Variants in C1QL3 observed in about 807,000 individuals in gnomAD.
C1QL3 encodes the protein complement C1q like 3, also known as complement C1q-like protein 3.
Under a neutral mutation model 16.6 loss-of-function variants are expected in C1QL3, and 4 were observed. That is an observed-to-expected ratio of 0.24 (90% CI 0.12 to 0.55). C1QL3 has a LOEUF of 0.55. Among genes scored for constraint, C1QL3 ranks in the 20% least tolerant of loss-of-function variants. The probability of loss-of-function intolerance (pLI) is 0.94; values close to 1 mark genes in which losing one functional copy is unlikely to be tolerated. For missense variants in C1QL3, 269 were observed against 365.6 expected (o/e 0.74, Z 2.16); for synonymous variants, 189 against 160.2 (o/e 1.18, Z -1.36).
In C1QL3 at chr10:16,514,594, C is replaced by G. The variant is rs1836918769; in HGVS notation, c.702G>C (p.Gly234=). 6.2e-7 allele frequency: 1 copy of G among 1,613,798 alleles called. No individual in the cohort carries two copies. The highest frequency in any genetic ancestry group is 1.3e-5 in the African/African-American group (1 of 74,932). Residue 234 remains glycine, a synonymous_variant, in exon 2 of 2, where the codon GGG becomes GGC. Coordinates refer to ENST00000298943, the MANE Select transcript of C1QL3 (RefSeq NM_001010908.2). ...TGTTGTTGTTTCCTCCATGGGCTTT[C>G]CCGCCATCTAATTTGATATAGACTT... ...GDEVYIKLDG[G]KAHGGNNNKY... is the part of the protein sequence containing the mutation.
chr10:16,519,078 T>C (rs1836995033), intron 1 of C1QL3, among the ~76,000 whole-genome samples: 2 of 149,772 alleles, frequency 1.3e-5, no homozygotes, highest in South Asian at 2.1e-4. Flanking sequence ...CCTTAAGCTA[T>C]TTGTAGGATA....
Position 16,520,876 on chromosome 10 carries a change from C to CT in C1QL3, c.189dup (p.Gly64ArgfsTer75). On this transcript the variant is annotated frameshift_variant, in exon 1 of 2. Transcript: ENST00000298943. LOFTEE classifies it high-confidence loss of function. This position sits in a 1 kb window ranked among gnomAD's most constrained non-coding sequence, Gnocchi z 8.3. The stretch of plus-strand genomic sequence containing the variant: ...GCCTTCCCGGGCCTGCCGGCCTCGC[C>CT]TTTGGGGCCCTGGATGAAGGTGGGC... 1.3e-6 allele frequency: 2 copies of CT among 1,501,908 alleles called. No individual in the cohort carries two copies. Among genetic ancestry groups the CT allele is most frequent in the Non-Finnish European group, 1.8e-6 (2 of 1,131,734 alleles). The allele number at this position is 1,501,908 out of a possible 1,614,324, so 93.0% of individuals were successfully genotyped here.
At position 16,520,867 on chromosome 10, in the gene C1QL3, C is replaced by G; in HGVS notation, c.199G>C (p.Gly67Arg). The G allele has an allele frequency of 2.0e-6, 3 of 1,464,284 alleles. No individual in the cohort carries two copies. Among genetic ancestry groups the G allele is most frequent in the Non-Finnish European group, 1.8e-6 (2 of 1,111,790 alleles). 90.7% of individuals were successfully genotyped at this position (1,464,284 alleles called of 1,614,324 possible). A position where few individuals can be genotyped will look rare whatever the true frequency, so the allele number is the denominator to read the frequency against. ...TFIQGPKGEA[G>R]RPGKAGPRGP... ...CGCGGACCCGCCTTCCCGGGCCTGCCGGCCTCGCCTTTGGGGCCCTGGATG... is the reference window on the plus strand; with the variant it reads ...CGCGGACCCGCCTTCCCGGGCCTGCGGGCCTCGCCTTTGGGGCCCTGGATG... The change falls in exon 1 of 2, where the codon GGC (glycine) becomes CGC (arginine). Residue 67 changes from glycine to arginine, a missense_variant. This residue lies in a region of C1QL3 where 246 missense variants were observed against 297.2 expected (regional missense o/e 0.83). Coordinates refer to ENST00000298943, the MANE Select transcript of C1QL3 (RefSeq NM_001010908.2). The surrounding 1 kb of genome is among the most constrained non-coding windows in gnomAD (Gnocchi z 8.3).
At chr10:16,518,976 T>A (rs1836993526) in intron 1 of C1QL3, among the ~76,000 whole-genome samples, 1 of 151,994 alleles carries the variant, frequency 6.6e-6, no homozygotes, top group South Asian at 2.1e-4. Context: ...TATCTTAATA[T>A]TATTTTCATG....
chr10:16,516,177 C>T (rs560598906), intron 1 of C1QL3, among the ~76,000 whole-genome samples: 16 of 152,104 alleles, frequency 1.1e-4, no homozygotes, highest in Non-Finnish European at 1.8e-4. Flanking sequence ...TAACGCTGTA[C>T]TAACAGGCAC....
At position 16,514,133 on chromosome 10, in the gene C1QL3, A is replaced by T; in HGVS notation, c.*395T>A. 2.5e-6 allele frequency: 1 copy of T among 397,358 alleles called. No individual in the cohort carries two copies. Among genetic ancestry groups the T allele is most frequent in the Non-Finnish European group, 4.4e-6 (1 of 225,368 alleles). The allele number at this position is 397,358 out of a possible 1,614,324, so 24.6% of individuals were successfully genotyped here. A position where few individuals can be genotyped will look rare whatever the true frequency, so the allele number is the denominator to read the frequency against. ...ATGAATGGACTCCAAGTATCATAAT[A>T]AGCAGGTAAACTCACAAGAACCAAA... On this transcript the variant is annotated 3_prime_UTR_variant, in exon 2 of 2. Transcript: ENST00000298943.
rs1837032403 is a variant in C1QL3, at chr10:16,520,976, C to T, written c.90G>A (p.Met30Ile). The T allele has an allele frequency of 6.3e-7, 1 of 1,591,378 alleles. No individual in the cohort carries two copies. Among genetic ancestry groups the T allele is most frequent in the Middle Eastern group, 1.8e-4 (1 of 5,676 alleles). ...AHYEMLGTCRMVCDPYGGTKA... is the reference protein window; with the variant it reads ...AHYEMLGTCRIVCDPYGGTKA... ...TGGTGCCCCCGTAGGGGTCGCAGAC[C>T]ATGCGGCAGGTGCCCAGCATCTCGT... Residue 30 changes from methionine (M) to isoleucine (I), a missense_variant, in exon 1 of 2, where the codon ATG becomes ATA. Physicochemically the swap from Met to Ile is conservative, Grantham distance 10. Transcript: ENST00000298943. The surrounding 1 kb of genome is among the most constrained non-coding windows in gnomAD (Gnocchi z 8.3).
Position 16,521,158 on chromosome 10 carries a change from G to A in C1QL3, c.-93C>T. On this transcript the variant is annotated 5_prime_UTR_variant, in exon 1 of 2. Coordinates refer to ENST00000298943, the MANE Select transcript of C1QL3 (RefSeq NM_001010908.2). ...CGATCCTCTTGTCTGCTTTTGGACA[G>A]AATTTTGAAGGTTGGGCGGGGACCT... 8.2e-7 allele frequency: 1 copy of A among 1,226,154 alleles called. No individual in the cohort carries two copies. Among genetic ancestry groups the A allele is most frequent in the Non-Finnish European group, 1.1e-6 (1 of 879,680 alleles). The allele number at this position is 1,226,154 out of a possible 1,614,324, so 76.0% of individuals were successfully genotyped here. A position where few individuals can be genotyped will look rare whatever the true frequency, so the allele number is the denominator to read the frequency against.
At chr10:16,519,553 A>G (rs974262911) in intron 1 of C1QL3, among the ~76,000 whole-genome samples, 4 of 152,056 alleles carry the variant, frequency 2.6e-5, no homozygotes, top group African/African-American at 9.7e-5. Flanking sequence ...TTTTGCAATG[A>G]CCTCGAATTT....
chr10:16,521,036 C>T lies in C1QL3; in HGVS notation c.30G>A (p.Pro10=), dbSNP rs1007839791. 6 of 1,600,758 alleles carry T rather than the reference C, an allele frequency of 3.7e-6. No homozygotes were observed. In the African/African-American group the frequency reaches 5.4e-5, roughly 14 times the overall value. The change falls in exon 1 of 2, where the codon CCG becomes CCA. Residue 10 remains proline (P), a synonymous_variant. Coordinates refer to ENST00000298943, the MANE Select transcript of C1QL3 (RefSeq NM_001010908.2). The stretch of plus-strand genomic sequence containing the variant: ...ACGTGCCGGCCGAGCTCACCAGCAC[C>T]GGGATGAGGATCACCAGCAGCAGCA... MVLLLVILI[P]VLVSSAGTSA...
In C1QL3 at chr10:16,514,422, A is replaced by G; in HGVS notation, c.*106T>C. ...CATTTGATTTCCCCACATATACACA[A>G]CTGAGGTGCCCTGCCATTGGCATCC... On this transcript the variant is annotated 3_prime_UTR_variant, in exon 2 of 2. Coordinates refer to ENST00000298943, the MANE Select transcript of C1QL3 (RefSeq NM_001010908.2). 1.2e-6 allele frequency: 1 copy of G among 865,034 alleles called. No homozygotes were observed. The highest frequency in any genetic ancestry group is 1.9e-6 in the Non-Finnish European group (1 of 536,984). The allele number at this position is 865,034 out of a possible 1,614,324, so 53.6% of individuals were successfully genotyped here.
At position 16,520,441 on chromosome 10, in the gene C1QL3, T is replaced by TACCAC; in HGVS notation, c.588+36_588+37insGTGGT. 1 of 1,227,530 alleles carries TACCAC rather than the reference T, an allele frequency of 8.1e-7. No homozygotes were observed. The highest frequency in any genetic ancestry group is 1.4e-5 in the South Asian group (1 of 69,766). The allele number at this position is 1,227,530 out of a possible 1,614,324, so 76.0% of individuals were successfully genotyped here. On this transcript the variant is annotated intron_variant, in intron 1 of 1. Coordinates refer to ENST00000298943, the MANE Select transcript of C1QL3 (RefSeq NM_001010908.2). This position sits in a 1 kb window ranked among gnomAD's most constrained non-coding sequence, Gnocchi z 8.3. ...CCCTCTCGCCCGCACCTTCCCGCGC[T>TACCAC]CCCTCCCCGCCCTCCCCGCCGCCCG...
chr10:16,514,373 G>C lies in C1QL3; in HGVS notation c.*155C>G. On this transcript the variant is annotated 3_prime_UTR_variant, in exon 2 of 2. Transcript: ENST00000298943. Reference sequence around the variant, plus strand: ...GATATTTTTTACATAATGTTTCTGAGTGATACAGATGTGAGTCAGGTAGCA... The same window carrying C: ...GATATTTTTTACATAATGTTTCTGACTGATACAGATGTGAGTCAGGTAGCA... 1 of 622,226 alleles carries C rather than the reference G, an allele frequency of 1.6e-6. No homozygotes were observed. The highest frequency in any genetic ancestry group is 2.0e-5 in the South Asian group (1 of 49,564). 38.5% of individuals were successfully genotyped at this position (622,226 alleles called of 1,614,324 possible).
rs761865087 is a variant in C1QL3, at chr10:16,520,475, C to T, written c.588+3G>A. ...GCCCTCCCCGCCGCCCGCCCGCGCT[C>T]ACCTGGTTGTTTTTGCAGAGATCAG... On this transcript the variant is annotated splice_donor_region_variant and intron_variant, in intron 1 of 1. Coordinates refer to ENST00000298943, the MANE Select transcript of C1QL3 (RefSeq NM_001010908.2). This position sits in a 1 kb window ranked among gnomAD's most constrained non-coding sequence, Gnocchi z 8.3. The T allele has an allele frequency of 2.0e-6, 3 of 1,510,380 alleles. No individual in the cohort carries two copies. Among genetic ancestry groups the T allele is most frequent in the Non-Finnish European group, 1.8e-6 (2 of 1,107,628 alleles). 93.6% of individuals were successfully genotyped at this position (1,510,380 alleles called of 1,614,324 possible). A position where few individuals can be genotyped will look rare whatever the true frequency, so the allele number is the denominator to read the frequency against.
chr10:16,519,139 A>C (rs1231701010), intron 1 of C1QL3, among the ~76,000 whole-genome samples: 3 of 26,138 alleles, frequency 1.1e-4, no homozygotes, highest in African/African-American at 3.2e-4. Context: ...CGCATTTAGG[A>C]CTTTTTTTTT....
chr10:16,521,220 T>C lies in C1QL3; in HGVS notation c.-155A>G. Reference sequence around the variant, plus strand: ...AAAACAACCCCCTGCGAACCCCAACTCCCCTGGGCGTGCGTGCGCCGGCCG... The same window carrying C: ...AAAACAACCCCCTGCGAACCCCAACCCCCCTGGGCGTGCGTGCGCCGGCCG... On this transcript the variant is annotated 5_prime_UTR_variant, in exon 1 of 2. Coordinates refer to ENST00000298943, the MANE Select transcript of C1QL3 (RefSeq NM_001010908.2). 1.5e-6 allele frequency: 1 copy of C among 648,646 alleles called. No homozygotes were observed. The highest frequency in any genetic ancestry group is 2.6e-6 in the Non-Finnish European group (1 of 390,226). The allele number at this position is 648,646 out of a possible 1,614,324, so 40.2% of individuals were successfully genotyped here. A position where few individuals can be genotyped will look rare whatever the true frequency, so the allele number is the denominator to read the frequency against.
At chr10:16,516,986 C>A (rs2298126) in intron 1 of C1QL3, among the ~76,000 whole-genome samples, 51,133 of 152,042 alleles carry the variant, frequency 0.34, 8,681 homozygotes, top group South Asian at 0.46. Flanking sequence ...TCACCTGATC[C>A]TACTCTAAAG....
rs1837015067 is a variant in C1QL3, at chr10:16,520,023, C to G, written c.588+455G>C. On this transcript the variant is annotated intron_variant, in intron 1 of 1. Coordinates refer to ENST00000298943, the MANE Select transcript of C1QL3 (RefSeq NM_001010908.2). The surrounding 1 kb of genome is among the most constrained non-coding windows in gnomAD (Gnocchi z 8.3). Reference sequence around the variant, plus strand: ...CGGGGCCCTTGTTTCTCCCTCCGGCCTTTGTCTACCACCCCCGAGTCGGTC... The same window carrying G: ...CGGGGCCCTTGTTTCTCCCTCCGGCGTTTGTCTACCACCCCCGAGTCGGTC... Among the ~76,000 whole-genome samples the G allele has an allele frequency of 6.6e-6, 1 of 152,176 alleles. No homozygotes were observed. The highest frequency in any genetic ancestry group is 2.1e-4 in the South Asian group (1 of 4,828).
At position 16,520,607 on chromosome 10, in the gene C1QL3, T is replaced by C; in HGVS notation, c.459A>G (p.Gly153=). Residue 153 remains glycine (G), a synonymous_variant, in exon 1 of 2, where the codon GGA becomes GGG. Transcript: ENST00000298943. The surrounding 1 kb of genome is among the most constrained non-coding windows in gnomAD (Gnocchi z 8.3). ...TGCCGGTGGTGGGGTCGTAGTGGTT[T>C]CCGAGGTTGGTGACCACGTCGTCGA... ...LKFDDVVTNL[G]NHYDPTTGKF... is the part of the protein sequence containing the mutation. 6.2e-7 allele frequency: 1 copy of C among 1,613,694 alleles called. No individual in the cohort carries two copies. The highest frequency in any genetic ancestry group is 8.5e-7 in the Non-Finnish European group (1 of 1,179,806).
Sources: allele counts gnomAD v4.1 joint callset (sites outside exome capture counted in the v4.1 genomes callset), GRCh38; gene constraint gnomAD v4.1.1; regional missense constraint gnomAD v4.1.1; non-coding constraint Gnocchi (gnomAD v3.1); transcripts MANE v1.5; gene names NCBI Gene and HGNC (gene_info 2026-07-23, HGNC 2026-07-21).